Variants in FHAD1 observed in about 807,000 individuals in gnomAD.
FHAD1 encodes forkhead associated phosphopeptide binding domain 1.
Under a neutral mutation model 191.3 loss-of-function variants are expected in FHAD1, and 146 were observed. The observed-to-expected ratio is 0.76, with a 90% CI of 0.67 to 0.88. The LOEUF (loss-of-function observed/expected upper bound fraction) is 0.88. Among genes scored for constraint, FHAD1 ranks in the 40% least tolerant of loss-of-function variants. The pLI is 0.00. For missense variants in FHAD1, 1,635 were observed against 1,785.8 expected (o/e 0.92, Z 1.52); for synonymous variants, 616 against 672.3 (o/e 0.92, Z 1.29).
intron 10 of FHAD1, among the ~76,000 whole-genome samples, chr1:15,321,913 G>A (rs758808347): frequency 1.1e-4 from 16 of 152,196 alleles, no homozygotes; most frequent in Non-Finnish European, 1.6e-4. Flanking sequence ...ATTCTGCACT[G>A]GCAATTGTTT....
rs36078790 is a variant in FHAD1, at chr1:15,376,077, A to ATTTT, written c.3705+351_3705+354dup. ...TATTTATTTATTTATTTATTTATTT[A>ATTTT]TTTTTTTATTTATTTTTTTATTTAT... On this transcript the variant is annotated intron_variant, in intron 28 of 33. Coordinates refer to ENST00000688493, the MANE Select transcript of FHAD1 (RefSeq NM_001391957.1). Among the ~76,000 whole-genome samples the ATTTT allele has an allele frequency of 1.7e-5, 2 of 120,096 alleles. 1 individual carries two copies. The highest frequency in any genetic ancestry group is 5.3e-4 in the South Asian group (2 of 3,794). The allele number at this position is 120,096 out of a possible 152,430, so 78.8% of individuals were successfully genotyped here. A position where few individuals can be genotyped will look rare whatever the true frequency, so the allele number is the denominator to read the frequency against.
intron 14 of FHAD1, among the ~76,000 whole-genome samples, chr1:15,337,119 G>C (rs1331836773): frequency 1.3e-5 from 2 of 152,174 alleles, no homozygotes; most frequent in East Asian, 1.9e-4. Context: ...CTGGCCAGGG[G>C]CCATGGCCAC....
Position 15,339,560 on chromosome 1 carries a change from T to C in FHAD1, c.1977+9T>C. Reference sequence around the variant, plus strand: ...AGGCCCAGGAACTTCAGGTAATTCTTTTAATTTCTTTTTTTCCAAAGTTCA... The same window carrying C: ...AGGCCCAGGAACTTCAGGTAATTCTCTTAATTTCTTTTTTTCCAAAGTTCA... On this transcript the variant is annotated intron_variant, in intron 15 of 33. Transcript: ENST00000688493. 1 of 1,257,486 alleles carries C rather than the reference T, an allele frequency of 8.0e-7. No individual in the cohort carries two copies. The highest frequency in any genetic ancestry group is 1.0e-6 in the Non-Finnish European group (1 of 955,922). 77.9% of individuals were successfully genotyped at this position (1,257,486 alleles called of 1,614,324 possible).
chr1:15,381,248 A>C lies in FHAD1; in HGVS notation c.3819A>C (p.Lys1273Asn). ...LSEKLYLDMS[K>N]TLGSLMNIKN... is the part of the protein sequence containing the mutation. ...CCTTGTAGTACCTGGATATGAGCAA[A>C]ACCCTCGGAAGTCTCATGAACATCA... The change falls in exon 30 of 34, where the codon AAA becomes AAC. Residue 1273 changes from lysine to asparagine, a missense_variant. Lys to Asn is a moderately conservative substitution (Grantham distance 94, BLOSUM62 0). Coordinates refer to ENST00000688493, the MANE Select transcript of FHAD1 (RefSeq NM_001391957.1). This position sits in a 1 kb window ranked among gnomAD's most constrained non-coding sequence, Gnocchi z 4.6. 6.4e-7 allele frequency: 1 copy of C among 1,551,572 alleles called. No homozygotes were observed. The highest frequency in any genetic ancestry group is 2.0e-5 in the Admixed American group (1 of 51,000).
intron 2 of FHAD1, among the ~76,000 whole-genome samples, chr1:15,270,033 A>T (rs12047158): frequency 6.6e-6 from 1 of 150,806 alleles, no homozygotes; most frequent in African/African-American, 2.4e-5. Flanking sequence ...TCCACAGCCT[A>T]CTGAGTAGCT....
At chr1:15,293,289 T>C (rs546017046) in intron 4 of FHAD1, among the ~76,000 whole-genome samples, 48 of 152,286 alleles carry the variant, frequency 3.2e-4, no homozygotes, top group African/African-American at 1.1e-3. Flanking sequence ...TCTTCCAAAT[T>C]CTTTTTCCAC....
Position 15,329,398 on chromosome 1 carries a change from T to C in FHAD1, c.1763T>C (p.Leu588Pro). The change falls in exon 14 of 34, where the codon CTT (leucine) becomes CCT (proline). Residue 588 changes from leucine (L) to proline (P), a missense_variant. Coordinates refer to ENST00000688493, the MANE Select transcript of FHAD1 (RefSeq NM_001391957.1). This position sits in a 1 kb window ranked among gnomAD's most constrained non-coding sequence, Gnocchi z 5.0. ...CSHDLKKEVD[L>P]LQHLQVSPPV... ...CATGACCTGAAGAAGGAGGTCGACC[T>C]TCTTCAGCACCTCCAGGTGAGCCCA... 6 of 1,551,042 alleles carry C rather than the reference T, an allele frequency of 3.9e-6. No homozygotes were observed. The highest frequency in any genetic ancestry group is 5.2e-6 in the Non-Finnish European group (6 of 1,146,730).
intron 14 of FHAD1, among the ~76,000 whole-genome samples, chr1:15,333,266 T>C (rs539933766): frequency 2.8e-4 from 42 of 152,184 alleles, no homozygotes; most frequent in African/African-American, 9.9e-4. Context: ...TTCTCTACTC[T>C]TGTACCTAAT....
downstream of FHAD1, among the ~76,000 whole-genome samples, chr1:15,402,382 C>T (rs549956532): frequency 1.2e-4 from 19 of 152,182 alleles, no homozygotes; most frequent in Admixed American, 5.9e-4. Flanking sequence ...ATGTGCACAA[C>T]GTGCAGGTTT....
chr1:15,328,443 AC>A lies in FHAD1; in HGVS notation c.1710+15del, dbSNP rs1679785912. ...GACAGCTGCCAGGTGGCCCCTCCTT[AC>A]GCTTTCCACAAATGGTCTCTTTGTC... On this transcript the variant is annotated intron_variant, in intron 13 of 33. Coordinates refer to ENST00000688493, the MANE Select transcript of FHAD1 (RefSeq NM_001391957.1). 1 of 1,450,736 alleles carries A rather than the reference AC, an allele frequency of 6.9e-7. No individual in the cohort carries two copies. The highest frequency in any genetic ancestry group is 9.1e-7 in the Non-Finnish European group (1 of 1,099,486). The allele number at this position is 1,450,736 out of a possible 1,614,324, so 89.9% of individuals were successfully genotyped here. A position where few individuals can be genotyped will look rare whatever the true frequency, so the allele number is the denominator to read the frequency against.
chr1:15,341,097 A>G (rs1686447151), intron 15 of FHAD1, among the ~76,000 whole-genome samples: 1 of 152,180 alleles, frequency 6.6e-6, no homozygotes. Context: ...CAGGAGAATC[A>G]CTTGAACCCG....
In FHAD1 at chr1:15,296,026, T is replaced by A. The variant is rs1379352353; in HGVS notation, c.569-658T>A. On this transcript the variant is annotated intron_variant, in intron 4 of 33. Transcript: ENST00000688493. The stretch of plus-strand genomic sequence containing the variant: ...ACTATTCATGCCCCTAAATGATATG[T>A]GTGGAAACTAAGGCTGAAAGAGATT... Among the ~76,000 whole-genome samples, 5 of 152,296 alleles carry A rather than the reference T, an allele frequency of 3.3e-5. No individual in the cohort carries two copies. The East Asian group carries it at 7.7e-4, about 24-fold the overall frequency.
chr1:15,388,966 G>C (rs72879956), intron 32 of FHAD1, among the ~76,000 whole-genome samples: 1 of 152,124 alleles, frequency 6.6e-6, no homozygotes. Context: ...AGATCTGTAC[G>C]GGGCTGGGCT....
rs760536567 is a variant in FHAD1, at chr1:15,318,331, G to A, written c.1365+403G>A. On this transcript the variant is annotated intron_variant, in intron 10 of 33. Coordinates refer to ENST00000688493, the MANE Select transcript of FHAD1 (RefSeq NM_001391957.1). This position sits in a 1 kb window ranked among gnomAD's most constrained non-coding sequence, Gnocchi z 4.1. Reference sequence around the variant, plus strand: ...CTATCCATAACAGTAGCCACTAACCGCGCATGGCTATTTACATTTAAATTA... The same window carrying A: ...CTATCCATAACAGTAGCCACTAACCACGCATGGCTATTTACATTTAAATTA... 2.4e-4 allele frequency among the ~76,000 whole-genome samples: 36 copies of A among 152,128 alleles called. No homozygotes were observed. The highest frequency in any genetic ancestry group is 5.2e-4 in the Admixed American group (8 of 15,270).
intron 1 of FHAD1, among the ~76,000 whole-genome samples, chr1:15,247,766 A>G (rs1646269129): frequency 6.6e-6 from 1 of 152,054 alleles, no homozygotes; most frequent in African/African-American, 2.4e-5. Context: ...TCCCTTCCCA[A>G]ATACAACACT....
At chr1:15,239,416 G>A (rs140688268) in intron 1 of FHAD1, among the ~76,000 whole-genome samples, 413 of 152,082 alleles carry the variant, frequency 2.7e-3, no homozygotes, top group African/African-American at 9.3e-3. Context: ...GTGAAACCCC[G>A]TCTCTACTAA....
intron 27 of FHAD1, 120 bp downstream of exon 27, chr1:15,374,751 T>C: frequency 1.6e-6 from 2 of 1,289,920 alleles, no homozygotes; most frequent in South Asian, 1.5e-5. Context: ...TGGAGGACAT[T>C]GTAATACACA....
chr1:15,236,979 A>G (rs1053897229), intron 1 of FHAD1, among the ~76,000 whole-genome samples: 2 of 152,134 alleles, frequency 1.3e-5, no homozygotes. Flanking sequence ...ATGGTTTTAT[A>G]AGGGGCTTTC....
chr1:15,367,358 T>C, intron 24 of FHAD1, 105 bp from the exon 25 acceptor site: 12 of 1,280,664 alleles, frequency 9.4e-6, no homozygotes, highest in Non-Finnish European at 1.1e-5. Flanking sequence ...TAGCCAGTCG[T>C]GGTGGCGCAT....
Sources: gnomAD v4.1 joint callset for allele counts (sites outside exome capture counted in the v4.1 genomes callset) on GRCh38, gnomAD v4.1.1 for gene constraint, Gnocchi (gnomAD v3.1) non-coding constraint, MANE v1.5 for transcripts, NCBI Gene and HGNC (gene_info 2026-07-23, HGNC 2026-07-21) for gene names.